Variants in DGKG observed in about 807,000 individuals in gnomAD.
The protein encoded by DGKG is diacylglycerol kinase gamma.
In DGKG, 78 loss-of-function variants were observed where a neutral mutation model predicts 105.3. That is an observed-to-expected ratio of 0.74 (90% CI 0.62 to 0.89). The LOEUF (loss-of-function observed/expected upper bound fraction) is 0.89, where lower values mean the gene tolerates loss of function less well. DGKG is among the 40% of genes least tolerant of loss of function. The pLI, the probability that DGKG is intolerant of heterozygous loss-of-function variation, is 0.00. For missense variants in DGKG, 958 were observed against 1,020.1 expected (o/e 0.94, Z 0.83); for synonymous variants, 346 against 367.1 (o/e 0.94, Z 0.66).
intron 21 of DGKG, among the ~76,000 whole-genome samples, chr3:186,196,117 A>ATC (rs1295884196): frequency 6.8e-6 from 1 of 146,798 alleles, no homozygotes; most frequent in African/African-American, 2.5e-5. Context: ...TCTTAAAAGG[A>ATC]TCTCTCTCTC....
chr3:186,288,874 T>C lies in DGKG; in HGVS notation c.380A>G (p.Asn127Ser). The change falls in exon 6 of 25, where the codon AAT becomes AGT. Residue 127 changes from asparagine (N) to serine (S), a missense_variant. Around this residue, in one of 2 missense-constraint regions of DGKG, gnomAD observed 643 missense variants for 619.5 expected, o/e 1.04. Transcript: ENST00000265022. ...DEACAPDTES[N>S]MAEKQAPAED... ...AGCTGGTGCTTGCTTCTCAGCCATA[T>C]TTGATTCTGCGATGAACAAAAGGAA... is the stretch of plus-strand genomic sequence containing the variant. The C allele has an allele frequency of 6.4e-7, 1 of 1,568,440 alleles. No individual in the cohort carries two copies. The highest frequency in any genetic ancestry group is 2.0e-5 in the Admixed American group (1 of 50,726).
At position 186,161,447 on chromosome 3, in the gene DGKG, T is replaced by C. The variant is rs148034558; in HGVS notation, c.2277+156A>G. ...TTTTCATTAAGAGTTGCCAGGTAAA[T>C]GAGTGGATGGATAATAAAGTGGAAG... On this transcript the variant is annotated intron_variant, in intron 24 of 24. Transcript: ENST00000265022. The C allele has an allele frequency of 5.4e-3, 7,905 of 1,450,696 alleles. 33 individuals carry two copies. The highest frequency in any genetic ancestry group is 6.3e-3 in the Non-Finnish European group (6,922 of 1,103,226). 89.9% of individuals were successfully genotyped at this position (1,450,696 alleles called of 1,614,324 possible). A position where few individuals can be genotyped will look rare whatever the true frequency, so the allele number is the denominator to read the frequency against.
At chr3:186,176,103 G>A (rs1717065584) in intron 22 of DGKG, among the ~76,000 whole-genome samples, 1 of 152,196 alleles carries the variant, frequency 6.6e-6, no homozygotes, top group South Asian at 2.1e-4. Context: ...GTGGGGGTGA[G>A]CCTCTTCTCA....
chr3:186,274,877 A>T (rs1326930580), intron 10 of DGKG, among the ~76,000 whole-genome samples: 2 of 152,232 alleles, frequency 1.3e-5, no homozygotes, highest in African/African-American at 4.8e-5. Context: ...TAGCAGCATG[A>T]TTTATAATCC....
intron 1 of DGKG, among the ~76,000 whole-genome samples, chr3:186,333,089 C>G (rs1725675500): frequency 6.6e-6 from 1 of 152,168 alleles, no homozygotes; most frequent in African/African-American, 2.4e-5. Context: ...AGTTACCCAG[C>G]TTCAGGTATC....
intron 21 of DGKG, among the ~76,000 whole-genome samples, chr3:186,190,175 C>T (rs767444845): frequency 1.5e-4 from 23 of 152,176 alleles, no homozygotes; most frequent in Non-Finnish European, 2.9e-4. Flanking sequence ...GTAGTCAGAG[C>T]CCAAGTTTTT....
chr3:186,225,524 G>A (rs906630715), intron 20 of DGKG, among the ~76,000 whole-genome samples: 2 of 152,060 alleles, frequency 1.3e-5, no homozygotes, highest in Admixed American at 6.6e-5. Flanking sequence ...TGGCTTGCAT[G>A]GTGGTGTTTA....
At chr3:186,179,347 A>C (rs1026602351) in intron 22 of DGKG, among the ~76,000 whole-genome samples, 3 of 152,202 alleles carry the variant, frequency 2.0e-5, no homozygotes, top group African/African-American at 7.2e-5. Context: ...TTATTTTAAT[A>C]GTTACTACAT....
At chr3:186,353,045 A>G (rs1195296639) in intron 1 of DGKG, among the ~76,000 whole-genome samples, 4 of 152,236 alleles carry the variant, frequency 2.6e-5, no homozygotes, top group African/African-American at 4.8e-5. Flanking sequence ...AGTGTAGACA[A>G]CAAAAACTGG....
intron 21 of DGKG, among the ~76,000 whole-genome samples, chr3:186,204,277 G>A (rs531913328): frequency 6.6e-6 from 1 of 152,178 alleles, no homozygotes; most frequent in African/African-American, 2.4e-5. Context: ...ATTGTGGTGT[G>A]TGCCTGTAAT....
Position 186,161,598 on chromosome 3 carries a change from C to T in DGKG, c.2277+5G>A, listed in dbSNP as rs367877531. 1.2e-6 allele frequency: 2 copies of T among 1,614,186 alleles called. No homozygotes were observed. The highest frequency in any genetic ancestry group is 1.7e-5 in the Admixed American group (1 of 60,018). ...ATCCCCATCTCAAAGATTGGCAAGA[C>T]TCACCGTGCAACATGGCTGCATCCA... On this transcript the variant is annotated splice_donor_5th_base_variant and intron_variant, in intron 24 of 24. Coordinates refer to ENST00000265022, the MANE Select transcript of DGKG (RefSeq NM_001346.3).
At chr3:186,310,588 T>C (rs1724492804) in intron 2 of DGKG, among the ~76,000 whole-genome samples, 1 of 152,204 alleles carries the variant, frequency 6.6e-6, no homozygotes, top group Non-Finnish European at 1.5e-5. Context: ...AGCTGCTTTA[T>C]TCTGTTTCAT....
At chr3:186,290,714 A>G (rs550838503) in intron 5 of DGKG, among the ~76,000 whole-genome samples, 2 of 152,340 alleles carry the variant, frequency 1.3e-5, no homozygotes, top group East Asian at 3.9e-4. Context: ...TGGAGCCCAC[A>G]GTGGCTAGGA....
intron 9 of DGKG, 188 bp downstream of exon 9, chr3:186,279,663 T>C: frequency 1.9e-6 from 1 of 538,412 alleles, no homozygotes; most frequent in East Asian, 3.3e-5. Context: ...GTAGTAAATG[T>C]CTGTCAAATG....
At chr3:186,206,760 G>T (rs28692653) in intron 21 of DGKG, among the ~76,000 whole-genome samples, 6,892 of 149,210 alleles carry the variant, frequency 0.046, 505 homozygotes, top group African/African-American at 0.16. Context: ...TTGTTTTTTT[G>T]TTTTTTTTGA....
intron 2 of DGKG, among the ~76,000 whole-genome samples, chr3:186,319,304 C>T (rs1042239954): frequency 2.6e-5 from 4 of 152,018 alleles, no homozygotes; most frequent in African/African-American, 9.7e-5. Flanking sequence ...TTAGTCCAAC[C>T]CTCCCATTGT....
At chr3:186,311,884 A>G (rs1724562642) in intron 2 of DGKG, among the ~76,000 whole-genome samples, 1 of 146,708 alleles carries the variant, frequency 6.8e-6, no homozygotes, top group African/African-American at 2.8e-5. Flanking sequence ...TGGGAGGCCG[A>G]GGCGGGTGGA....
intron 1 of DGKG, among the ~76,000 whole-genome samples, chr3:186,354,187 C>CTCTAGCTTATTTACTTTAA (rs1726791485): frequency 6.6e-6 from 1 of 152,132 alleles, no homozygotes; most frequent in Non-Finnish European, 1.5e-5. Context: ...AAAGAGCTTT[C>CTCTAGCTTATTTACTTTAA]TCTAGCTTAT....
chr3:186,298,431 A>C (rs1010278023), intron 3 of DGKG, among the ~76,000 whole-genome samples: 2 of 152,184 alleles, frequency 1.3e-5, no homozygotes, highest in African/African-American at 4.8e-5. Context: ...GGATGGGTGT[A>C]AGAGAGAGAA....
Sources: allele counts gnomAD v4.1 joint callset (sites outside exome capture counted in the v4.1 genomes callset), GRCh38; gene constraint gnomAD v4.1.1; regional missense constraint gnomAD v4.1.1; transcripts MANE v1.5; gene names NCBI Gene and HGNC (gene_info 2026-07-23, HGNC 2026-07-21).